Variants in MAGI2 observed in about 807,000 individuals in gnomAD.
MAGI2 encodes membrane associated guanylate kinase, WW and PDZ domain containing 2.
In MAGI2, 35 loss-of-function variants were observed where a neutral mutation model predicts 133.3. That is an observed-to-expected ratio of 0.26 (90% CI 0.20 to 0.35). The LOEUF is 0.35. Ranked by LOEUF, MAGI2 falls within the 10% of genes least tolerant of loss-of-function variation. The pLI is 1.00. For synonymous variants in MAGI2, 729 were observed against 710.6 expected (o/e 1.03, Z -0.41); for missense variants, 1,636 against 1,863.4 (o/e 0.88, Z 2.25).
At chr7:78,856,053 T>C (rs992149314) in intron 2 of MAGI2, among the ~76,000 whole-genome samples, 2 of 152,238 alleles carry the variant, frequency 1.3e-5, no homozygotes, top group Non-Finnish European at 2.9e-5. Flanking sequence ...ATGTCTTCTT[T>C]TGAGAAGTGT....
At chr7:78,042,380 C>T (rs1442804401) in intron 21 of MAGI2, among the ~76,000 whole-genome samples, 1 of 152,168 alleles carries the variant, frequency 6.6e-6, no homozygotes, top group East Asian at 1.9e-4. Flanking sequence ...GGGTGGGCTG[C>T]TACTTTGTAA....
At chr7:78,175,545 G>A (rs1052052778) in intron 14 of MAGI2, among the ~76,000 whole-genome samples, 2 of 152,110 alleles carry the variant, frequency 1.3e-5, no homozygotes, top group African/African-American at 4.8e-5. Context: ...CTGGTGTGTG[G>A]GTGGGTGTTC....
intron 11 of MAGI2, among the ~76,000 whole-genome samples, chr7:78,196,030 C>T (rs1351101881): frequency 1.3e-5 from 2 of 152,308 alleles, no homozygotes; most frequent in African/African-American, 2.4e-5. Context: ...AGGGTCATGG[C>T]GGGCTCCTTT....
chr7:78,281,585 A>C (rs966385390), intron 9 of MAGI2, among the ~76,000 whole-genome samples: 6 of 152,152 alleles, frequency 3.9e-5, no homozygotes, highest in African/African-American at 1.2e-4. Flanking sequence ...GAAATTACCC[A>C]GTCTCAGGCA....
chr7:78,073,296 T>C (rs1306677124), intron 21 of MAGI2, among the ~76,000 whole-genome samples: 1 of 149,232 alleles, frequency 6.7e-6, no homozygotes, highest in Non-Finnish European at 1.5e-5. Context: ...AGAAGTATAA[T>C]TCACTGATTG....
chr7:79,212,166 G>A (rs1829554507), intron 1 of MAGI2, among the ~76,000 whole-genome samples: 1 of 151,844 alleles, frequency 6.6e-6, no homozygotes. Flanking sequence ...ATATAGCTTG[G>A]AGCGCTCTTT....
chr7:78,291,381 G>T (rs112331003), intron 9 of MAGI2, among the ~76,000 whole-genome samples: 4 of 152,222 alleles, frequency 2.6e-5, no homozygotes, highest in African/African-American at 9.6e-5. Context: ...GACTAAACCA[G>T]GAATAAGTCA....
chr7:79,032,454 G>A (rs1810685487), intron 1 of MAGI2, among the ~76,000 whole-genome samples: 1 of 150,904 alleles, frequency 6.6e-6, no homozygotes, highest in South Asian at 2.1e-4. Context: ...GGAGGTGGAG[G>A]TTGCAGTGAG....
intron 2 of MAGI2, among the ~76,000 whole-genome samples, chr7:78,668,460 TC>T (rs1415331224): frequency 6.6e-6 from 1 of 151,098 alleles, no homozygotes; most frequent in Non-Finnish European, 1.5e-5. Flanking sequence ...AGACATGAAG[TC>T]CTTGCCCATG....
intron 1 of MAGI2, among the ~76,000 whole-genome samples, chr7:79,283,469 T>C (rs548628032): frequency 9.9e-5 from 15 of 152,220 alleles, no homozygotes; most frequent in African/African-American, 3.6e-4. Flanking sequence ...ACTAATGGAA[T>C]CTAGATTTTG....
intron 9 of MAGI2, among the ~76,000 whole-genome samples, chr7:78,303,964 C>T (rs1362814289): frequency 6.6e-6 from 1 of 152,168 alleles, no homozygotes; most frequent in Non-Finnish European, 1.5e-5. Context: ...CCCCACTCCC[C>T]ACCAAGCTAT....
intron 9 of MAGI2, among the ~76,000 whole-genome samples, chr7:78,268,212 A>G (rs1160336875): frequency 6.6e-6 from 1 of 152,048 alleles, no homozygotes; most frequent in African/African-American, 2.4e-5. Flanking sequence ...ATTTTATATC[A>G]AGTTCCTTCA....
chr7:78,352,899 A>G (rs1791668314), intron 7 of MAGI2: 1 of 152,176 alleles, frequency 6.6e-6, no homozygotes, highest in South Asian at 2.1e-4. Flanking sequence ...TTCCATGGAA[A>G]ACTTCGAACT....
chr7:78,047,733 T>C lies in MAGI2; in HGVS notation c.3707-27757A>G, dbSNP rs988847727. On this transcript the variant is annotated intron_variant, in intron 21 of 21. Transcript: ENST00000354212. ...CTGACTGCCCGCTCTGTCTTGCCTC[T>C]GTGGATGGCCTGGGCCTGCACTGTG... is the stretch of plus-strand genomic sequence containing the variant. Among the ~76,000 whole-genome samples the C allele has an allele frequency of 1.4e-4, 21 of 152,254 alleles. 1 individual carries two copies. Among genetic ancestry groups the C allele is most frequent in the Non-Finnish European group, 2.5e-4 (17 of 68,040 alleles).
chr7:78,932,805 A>T (rs556682161), intron 2 of MAGI2, among the ~76,000 whole-genome samples: 1 of 152,282 alleles, frequency 6.6e-6, no homozygotes, highest in African/African-American at 2.4e-5. Context: ...GTTATTGCTG[A>T]TGAAAATTTG....
chr7:78,363,349 A>C (rs1328636506), intron 7 of MAGI2, among the ~76,000 whole-genome samples: 2 of 152,012 alleles, frequency 1.3e-5, no homozygotes, highest in Non-Finnish European at 2.9e-5. Flanking sequence ...AAAAATTAGC[A>C]GGGCGCGGTG....
chr7:79,004,776 A>T (rs965004833), intron 2 of MAGI2, among the ~76,000 whole-genome samples: 2 of 152,098 alleles, frequency 1.3e-5, no homozygotes, highest in African/African-American at 4.8e-5. Context: ...GAAGAAAAAA[A>T]TTTTTTTAAA....
chr7:78,419,741 T>C (rs1798631081), intron 6 of MAGI2, among the ~76,000 whole-genome samples: 1 of 151,892 alleles, frequency 6.6e-6, no homozygotes, highest in African/African-American at 2.4e-5. Context: ...CTTAAGCATA[T>C]ACGTTAGCAG....
Position 78,019,683 on chromosome 7 carries a change from C to G in MAGI2, c.4000G>C (p.Gly1334Arg). The G allele has an allele frequency of 6.8e-7, 1 of 1,465,318 alleles. No individual in the cohort carries two copies. The highest frequency in any genetic ancestry group is 9.0e-7 in the Non-Finnish European group (1 of 1,115,608). 90.8% of individuals were successfully genotyped at this position (1,465,318 alleles called of 1,614,324 possible). A position where few individuals can be genotyped will look rare whatever the true frequency, so the allele number is the denominator to read the frequency against. ...CTGCCGGCCTCGGGCCGCCCCTGGCCGCCGGGCGCCTCCTCGAGCCTCGGC... is the reference window on the plus strand; with the variant it reads ...CTGCCGGCCTCGGGCCGCCCCTGGCGGCCGGGCGCCTCCTCGAGCCTCGGC... ...ARPRLEEAPG[G>R]QGRPEAGRPA... is the part of the protein sequence containing the mutation. The change falls in exon 22 of 22, where the codon GGC becomes CGC. Residue 1334 changes from glycine (G) to arginine (R), a missense_variant. Gly to Arg is a moderately radical substitution (Grantham distance 125, BLOSUM62 -2). Transcript: ENST00000354212.
Sources: allele counts gnomAD v4.1 joint callset (sites outside exome capture counted in the v4.1 genomes callset), GRCh38; gene constraint gnomAD v4.1.1; transcripts MANE v1.5; gene names NCBI Gene and HGNC (gene_info 2026-07-23, HGNC 2026-07-21).